PSG11: variants seen among roughly 807,000 people sequenced by gnomAD.
PSG11 encodes pregnancy-specific beta-1-glycoprotein 11.
In PSG11, 42 loss-of-function variants were observed where a neutral mutation model predicts 36.0. The ratio of observed to expected loss-of-function variants is 1.17; its 90% CI spans 0.91 to 1.51. The LOEUF (loss-of-function observed/expected upper bound fraction) is 1.51, where lower values mean the gene tolerates loss of function less well. Ranked by LOEUF, PSG11 falls within the 40% of genes most tolerant of loss-of-function variation. PSG11 has a pLI of 0.00. For synonymous variants in PSG11, 206 were observed against 153.5 expected (o/e 1.34, Z -2.53); for missense variants, 558 against 403.5 (o/e 1.38, Z -3.28).
chr19:43,015,912 C>G lies in PSG11; in HGVS notation c.710-542G>C, dbSNP rs139041739. 7.5e-6 allele frequency: 12 copies of G among 1,609,886 alleles called. 1 individual carries two copies. The East Asian group carries it at 2.7e-4, about 36-fold the overall frequency. On this transcript the variant is annotated intron_variant, in intron 3 of 5. Coordinates refer to ENST00000320078, the MANE Select transcript of PSG11 (RefSeq NM_002785.3). ...TGGGTCGCTTTACCCTGGGACTGAC[C>G]GGGAGGCTCTGACAATTTAGCCACC...
In PSG11 at chr19:43,015,257, T is replaced by C. The variant is rs1445446682; in HGVS notation, c.823A>G (p.Ile275Val). The change falls in exon 4 of 6, where the codon ATT becomes GTT. Residue 275 changes from isoleucine to valine, a missense_variant. Ile to Val is a conservative substitution (Grantham distance 29). Transcript: ENST00000320078. ...CCTGATAGCTGAAACTTCCCATTAATTGTCCAAGAATACTGTGCTGGTGGG... is the reference window on the plus strand; with the variant it reads ...CCTGATAGCTGAAACTTCCCATTAACTGTCCAAGAATACTGTGCTGGTGGG... The part of the protein sequence containing the change: ...SNPPAQYSWT[I>V]NGKFQLSGQK... The C allele has an allele frequency of 1.2e-6, 2 of 1,611,512 alleles. No homozygotes were observed. The highest frequency in any genetic ancestry group is 1.7e-5 in the Admixed American group (1 of 59,884).
At chr19:43,014,697 G>C in intron 4 of PSG11, 8 of 1,198,516 alleles carry the variant, frequency 6.7e-6, no homozygotes, top group Non-Finnish European at 8.4e-6. Flanking sequence ...CCTCTCATTT[G>C]GGGGAAAAGT....
At chr19:43,011,408 C>G (rs1013197380) in intron 4 of PSG11, among the ~76,000 whole-genome samples, 7 of 150,954 alleles carry the variant, frequency 4.6e-5, no homozygotes, top group Non-Finnish European at 1.5e-5. Flanking sequence ...AAACTAAACC[C>G]AAGCACAGTG....
intron 4 of PSG11, chr19:43,014,809 C>T: frequency 8.0e-7 from 1 of 1,252,410 alleles, no homozygotes; most frequent in Non-Finnish European, 1.1e-6. Flanking sequence ...CAGTGAGAAG[C>T]AACTCGATGT....
At chr19:43,013,079 C>T (rs1272902163) in intron 4 of PSG11, among the ~76,000 whole-genome samples, 1 of 151,280 alleles carries the variant, frequency 6.6e-6, no homozygotes, top group African/African-American at 2.4e-5. Flanking sequence ...TATCCAAGGG[C>T]AAGAAGAGTG....
intron 2 of PSG11, among the ~76,000 whole-genome samples, chr19:43,023,471 G>T (rs967051394): frequency 6.6e-6 from 1 of 150,924 alleles, no homozygotes; most frequent in Non-Finnish European, 1.5e-5. Flanking sequence ...AGTGATGGGG[G>T]TTAAGATCTG....
intron 2 of PSG11, chr19:43,019,304 C>T (rs1967046311): frequency 5.4e-6 from 4 of 742,108 alleles, no homozygotes; most frequent in Non-Finnish European, 8.0e-6. Flanking sequence ...TGGAAAGACA[C>T]AGGACCAGCA....
At chr19:43,012,571 A>G (rs1974103623) in intron 4 of PSG11, among the ~76,000 whole-genome samples, 1 of 106,518 alleles carries the variant, frequency 9.4e-6, no homozygotes, top group Admixed American at 8.9e-5. Flanking sequence ...AAAATATTTA[A>G]GAATAACCAA....
intron 4 of PSG11, among the ~76,000 whole-genome samples, chr19:43,013,249 A>T (rs191337697): frequency 6.6e-6 from 1 of 151,648 alleles, no homozygotes; most frequent in East Asian, 1.9e-4. Flanking sequence ...CAACAAATAA[A>T]ATCAATAAAT....
chr19:43,026,195 C>T, intron 1 of PSG11, 114 bp downstream of exon 1: 2 of 1,487,108 alleles, frequency 1.3e-6, no homozygotes, highest in Non-Finnish European at 1.8e-6. Flanking sequence ...CCCACCTCAG[C>T]CTCCCTAAAT....
chr19:43,008,372 A>C (rs1973982913), intron 5 of PSG11, among the ~76,000 whole-genome samples: 1 of 151,160 alleles, frequency 6.6e-6, no homozygotes, highest in South Asian at 2.1e-4. Context: ...TCCCGGGTTC[A>C]TGCCATTCTT....
At chr19:43,012,861 C>T (rs1462173511) in intron 4 of PSG11, among the ~76,000 whole-genome samples, 2 of 151,420 alleles carry the variant, frequency 1.3e-5, no homozygotes, top group Non-Finnish European at 2.9e-5. Flanking sequence ...CTGGAGGACT[C>T]AGACTTCCTG....
rs149995578 is a variant in PSG11 at position 43,024,773 on chromosome 19, G to A, written c.348C>T (p.Asp116=). 1.2e-3 allele frequency: 1,887 copies of A among 1,611,502 alleles called. 82 individuals are homozygous for A. The African/African-American group carries it at 0.023, about 19-fold the overall frequency. ...SLLIQNVTRE[D]AGSYTLHIIK... Reference sequence around the variant, plus strand: ...TGATGTGTAAGGTGTAGGATCCTGCGTCCTCCCGGGTGACATTCTGGATCA... The same window carrying A: ...TGATGTGTAAGGTGTAGGATCCTGCATCCTCCCGGGTGACATTCTGGATCA... Residue 116 remains aspartate, a synonymous_variant, in exon 2 of 6, where the codon GAC becomes GAT. Transcript: ENST00000320078.
intron 4 of PSG11, among the ~76,000 whole-genome samples, chr19:43,011,941 C>G (rs1178207446): frequency 6.7e-6 from 1 of 149,330 alleles, no homozygotes; most frequent in Admixed American, 6.7e-5. Flanking sequence ...GCGATTACTA[C>G]CAATTATAAT....
In PSG11 at chr19:43,018,948, G is replaced by A; in HGVS notation, c.531C>T (p.Ser177=). The change falls in exon 3 of 6, where the codon AGC becomes AGT. Residue 177 remains serine, a synonymous_variant. Coordinates refer to ENST00000320078, the MANE Select transcript of PSG11 (RefSeq NM_002785.3). The part of the protein sequence containing the change: ...LTCNPETPDA[S]YLWWMNGQSL... Reference sequence around the variant, plus strand: ...TCTGACCATTCATCCACCACAGGTAGCTTGCGTCCGGAGTCTCAGGATTAC... The same window carrying A: ...TCTGACCATTCATCCACCACAGGTAACTTGCGTCCGGAGTCTCAGGATTAC... 6.2e-7 allele frequency: 1 copy of A among 1,612,154 alleles called. No homozygotes were observed. The highest frequency in any genetic ancestry group is 8.5e-7 in the Non-Finnish European group (1 of 1,179,146).
At chr19:43,015,529 C>G (rs867894760) in intron 3 of PSG11, among the ~76,000 whole-genome samples, 159 bp from the exon 4 acceptor site, 1 of 151,378 alleles carries the variant, frequency 6.6e-6, no homozygotes, top group Non-Finnish European at 1.5e-5. Context: ...AAGTATTCAC[C>G]TGTTTCTCCC....
intron 5 of PSG11, among the ~76,000 whole-genome samples, chr19:43,008,457 T>G (rs1483948982): frequency 1.3e-5 from 2 of 150,928 alleles, no homozygotes; most frequent in Non-Finnish European, 2.9e-5. Flanking sequence ...TTTGCGTTTT[T>G]GGTAGAGATG....
At position 43,023,684 on chromosome 19, in the gene PSG11, G is replaced by A. The variant is rs546203113; in HGVS notation, c.430+1007C>T. Among the ~76,000 whole-genome samples the A allele has an allele frequency of 2.9e-4, 44 of 151,144 alleles. 2 individuals are homozygous for A. Among genetic ancestry groups the A allele is most frequent in the African/African-American group, 1.0e-3 (43 of 40,954 alleles). ...CTCACTTCTGGTGGAGGAGAGGATG[G>A]GCCTGTGGCTGCAGACAGACCTCAT... On this transcript the variant is annotated intron_variant, in intron 2 of 5. Coordinates refer to ENST00000320078, the MANE Select transcript of PSG11 (RefSeq NM_002785.3).
At chr19:43,020,574 A>G (rs1165253620) in intron 2 of PSG11, among the ~76,000 whole-genome samples, 1 of 151,466 alleles carries the variant, frequency 6.6e-6, no homozygotes, top group African/African-American at 2.4e-5. Flanking sequence ...ATCTAAGATC[A>G]ATTGCTGGTA....
Sources: allele counts gnomAD v4.1 joint callset (sites outside exome capture counted in the v4.1 genomes callset), GRCh38; gene constraint gnomAD v4.1.1; transcripts MANE v1.5; gene names NCBI Gene and HGNC (gene_info 2026-07-23, HGNC 2026-07-21).